GRM5: variants seen among roughly 807,000 people sequenced by gnomAD.
GRM5 encodes the protein metabotropic glutamate receptor 5.
GRM5 carries 19 observed loss-of-function variants against 83.1 expected under a neutral mutation model. That is an observed-to-expected ratio of 0.23 (90% CI 0.16 to 0.34). GRM5 has a LOEUF of 0.34. Among genes scored for constraint, GRM5 ranks in the 10% least tolerant of loss-of-function variants. The pLI is 1.00. For missense variants in GRM5, 1,160 were observed against 1,588.3 expected, an observed-to-expected ratio of 0.73 and a Z score of 4.58; for synonymous variants, 675 against 633.6, an observed-to-expected ratio of 1.07 and a Z score of -0.98.
At chr11:88,813,249 G>A (rs796366438) in intron 3 of GRM5, among the ~76,000 whole-genome samples, 3 of 152,180 alleles carry the variant, frequency 2.0e-5, no homozygotes, top group Admixed American at 6.5e-5. Flanking sequence ...TTTTATTCAT[G>A]TTTGTATCCC....
intron 3 of GRM5, among the ~76,000 whole-genome samples, chr11:88,750,648 A>T (rs1591487757): frequency 6.6e-6 from 1 of 151,598 alleles, no homozygotes; most frequent in Non-Finnish European, 1.5e-5. Context: ...ACCACCACAC[A>T]TCACTTTAAA....
intron 2 of GRM5, among the ~76,000 whole-genome samples, chr11:88,864,175 C>T (rs1375402526): frequency 2.7e-5 from 4 of 148,876 alleles, no homozygotes. Flanking sequence ...TCCAGTCTGC[C>T]TACAGTTGAG....
intron 8 of GRM5, among the ~76,000 whole-genome samples, chr11:88,533,650 T>C (rs968150582): frequency 6.6e-6 from 1 of 152,174 alleles, no homozygotes; most frequent in Non-Finnish European, 1.5e-5. Flanking sequence ...TAGGTAATAA[T>C]ATTTATTGAA....
chr11:88,891,432 G>C (rs1051119003), intron 2 of GRM5, among the ~76,000 whole-genome samples: 2 of 151,976 alleles, frequency 1.3e-5, no homozygotes, highest in Non-Finnish European at 2.9e-5. Flanking sequence ...TTCCTGATGC[G>C]TGGCTTTCTA....
intron 8 of GRM5, among the ~76,000 whole-genome samples, chr11:88,538,365 A>C (rs1942185085): frequency 6.6e-6 from 1 of 152,220 alleles, no homozygotes; most frequent in Non-Finnish European, 1.5e-5. Context: ...ATAGAAATTC[A>C]GGAAGATACA....
At chr11:88,796,614 G>A (rs999628203) in intron 3 of GRM5, among the ~76,000 whole-genome samples, 20 of 152,044 alleles carry the variant, frequency 1.3e-4, no homozygotes, top group African/African-American at 4.6e-4. Flanking sequence ...TAAGTGCCAT[G>A]ATATTTTCAT....
chr11:88,962,490 A>G (rs1280315635), intron 2 of GRM5, among the ~76,000 whole-genome samples: 2 of 152,180 alleles, frequency 1.3e-5, no homozygotes, highest in East Asian at 3.9e-4. Context: ...ATATCTGTAT[A>G]TTGAAACCAT....
chr11:88,554,753 C>T (rs1942586749), intron 8 of GRM5, among the ~76,000 whole-genome samples: 1 of 152,056 alleles, frequency 6.6e-6, no homozygotes, highest in Non-Finnish European at 1.5e-5. Context: ...AAAAAGTGTT[C>T]CCCTCAACCA....
chr11:88,919,800 C>A (rs1469388426), intron 2 of GRM5, among the ~76,000 whole-genome samples: 1 of 151,798 alleles, frequency 6.6e-6, no homozygotes, highest in Admixed American at 6.6e-5. Flanking sequence ...CCTGAATGAC[C>A]AGTGGGCCCA....
At chr11:88,803,981 A>G (rs1261587878) in intron 3 of GRM5, among the ~76,000 whole-genome samples, 4 of 151,138 alleles carry the variant, frequency 2.6e-5, no homozygotes, top group East Asian at 1.9e-4. Context: ...CAAAACCACA[A>G]TGAGATACCA....
At chr11:88,667,995 A>C (rs1940088444) in intron 3 of GRM5, among the ~76,000 whole-genome samples, 1 of 152,146 alleles carries the variant, frequency 6.6e-6, no homozygotes, top group African/African-American at 2.4e-5. Context: ...CAATGAAAGA[A>C]ATGAGAAATG....
At chr11:88,667,120 C>G (rs1591426145) in intron 3 of GRM5, among the ~76,000 whole-genome samples, 2 of 151,978 alleles carry the variant, frequency 1.3e-5, no homozygotes, top group South Asian at 2.1e-4. Context: ...AATTTAAGAA[C>G]TCAATGGATG....
intron 1 of GRM5, among the ~76,000 whole-genome samples, chr11:89,052,288 A>G (rs1941777363): frequency 6.6e-6 from 1 of 152,174 alleles, no homozygotes; most frequent in Admixed American, 6.5e-5. Context: ...TCGCCTGGAG[A>G]GGAAGTATAA....
chr11:88,877,534 C>G (rs1018678342), intron 2 of GRM5, among the ~76,000 whole-genome samples: 1 of 151,856 alleles, frequency 6.6e-6, no homozygotes. Flanking sequence ...ACATATCAAC[C>G]TGGCCCAGTG....
intron 3 of GRM5, among the ~76,000 whole-genome samples, chr11:88,719,976 A>G (rs1941495500): frequency 6.6e-6 from 1 of 152,088 alleles, no homozygotes; most frequent in Non-Finnish European, 1.5e-5. Flanking sequence ...CCTTTGTCAG[A>G]TACATAGTTT....
In GRM5 at chr11:88,601,329, G is replaced by C. The variant is rs556261070; in HGVS notation, c.1394+3389C>G. Among the ~76,000 whole-genome samples, 97 of 152,140 alleles carry C rather than the reference G, an allele frequency of 6.4e-4. 2 individuals carry two copies. The highest frequency in any genetic ancestry group is 1.9e-3 in the African/African-American group (80 of 41,546). On this transcript the variant is annotated intron_variant, in intron 5 of 9. Transcript: ENST00000305447. Reference sequence around the variant, plus strand: ...TCTAGCCTCGTATTTTCTATTTACCGCATCTGTTTGTGCTCCTCTGTTCTT... The same window carrying C: ...TCTAGCCTCGTATTTTCTATTTACCCCATCTGTTTGTGCTCCTCTGTTCTT...
chr11:88,951,245 C>G (rs886827746), intron 2 of GRM5, among the ~76,000 whole-genome samples: 7 of 152,166 alleles, frequency 4.6e-5, no homozygotes, highest in East Asian at 1.9e-4. Context: ...ATTTCCAGAA[C>G]AGTCTCTGCT....
At chr11:88,712,340 T>A (rs1941301215) in intron 3 of GRM5, among the ~76,000 whole-genome samples, 1 of 152,062 alleles carries the variant, frequency 6.6e-6, no homozygotes, top group Non-Finnish European at 1.5e-5. Context: ...GATCTATATC[T>A]TGTAGGAGCA....
At chr11:88,805,547 A>AG (rs530532775) in intron 3 of GRM5, among the ~76,000 whole-genome samples, 187 of 54,134 alleles carry the variant, frequency 3.5e-3, no homozygotes, top group Middle Eastern at 9.4e-3. Flanking sequence ...GTTGGTTTCC[A>AG]AAAAATAGAG....
Sources: gnomAD v4.1 joint callset for allele counts (sites outside exome capture counted in the v4.1 genomes callset) on GRCh38, gnomAD v4.1.1 for gene constraint, MANE v1.5 for transcripts, NCBI Gene and HGNC (gene_info 2026-07-23, HGNC 2026-07-21) for gene names.